The following STIM2 variants were observed in gnomAD, a reference collection of about 807,000 sequenced individuals.
STIM2 encodes the protein stromal interaction molecule 2.
In STIM2, 31 loss-of-function variants were observed where a neutral mutation model predicts 85.8. The ratio of observed to expected loss-of-function variants is 0.36; its 90% CI spans 0.27 to 0.49. The LOEUF is 0.49. Among genes scored for constraint, STIM2 ranks in the 20% least tolerant of loss-of-function variants. The pLI is 0.98. For synonymous variants in STIM2, 356 were observed against 331.1 expected (o/e 1.08, Z -0.82); for missense variants, 841 against 927.6 (o/e 0.91, Z 1.21).
At chr4:26,899,101 A>G (rs1308063121) in intron 1 of STIM2, among the ~76,000 whole-genome samples, 1 of 152,104 alleles carries the variant, frequency 6.6e-6, no homozygotes, top group Non-Finnish European at 1.5e-5. Flanking sequence ...TTATTTATCA[A>G]GATTAAGGTA....
At position 26,860,982 on chromosome 4, in the gene STIM2, C is replaced by A; in HGVS notation, c.-237C>A. The A allele has an allele frequency of 7.8e-7, 1 of 1,285,014 alleles. No individual in the cohort carries two copies. The allele number at this position is 1,285,014 out of a possible 1,614,324, so 79.6% of individuals were successfully genotyped here. ...AATGAACGCAGCCGGGATCAGAGCT[C>A]CGGAGGCCGCCGGTGCCGATGGGAC... On this transcript the variant is annotated 5_prime_UTR_variant, in exon 1 of 12. Transcript: ENST00000467087.
chr4:26,968,518 GGAGGA>G (rs929114476), intron 3 of STIM2, among the ~76,000 whole-genome samples: 3 of 152,150 alleles, frequency 2.0e-5, no homozygotes, highest in Non-Finnish European at 4.4e-5. Flanking sequence ...GGGTCTGTGG[GGAGGA>G]GAGAACAGGG....
At chr4:26,907,683 T>G (rs1176321935) in intron 1 of STIM2, among the ~76,000 whole-genome samples, 1 of 152,206 alleles carries the variant, frequency 6.6e-6, no homozygotes, top group Non-Finnish European at 1.5e-5. Flanking sequence ...AAGGGTTTTG[T>G]AAGACTTCCT....
At chr4:26,930,771 A>T (rs187758678) in intron 2 of STIM2, among the ~76,000 whole-genome samples, 1 of 152,310 alleles carries the variant, frequency 6.6e-6, no homozygotes, top group Admixed American at 6.5e-5. Context: ...TATTGTGTCC[A>T]AAAGATTAAA....
At chr4:26,951,265 T>C (rs1726037968) in intron 2 of STIM2, among the ~76,000 whole-genome samples, 1 of 152,208 alleles carries the variant, frequency 6.6e-6, no homozygotes, top group Non-Finnish European at 1.5e-5. Flanking sequence ...TTTAACATTT[T>C]AATTGATATT....
At chr4:26,979,983 C>T (rs1158249533) in intron 3 of STIM2, among the ~76,000 whole-genome samples, 1 of 152,088 alleles carries the variant, frequency 6.6e-6, no homozygotes, top group Admixed American at 6.6e-5. Flanking sequence ...AGACTGTTCT[C>T]GAACTACTGG....
Position 26,942,548 on chromosome 4 carries a change from C to A in STIM2, c.283-15064C>A, listed in dbSNP as rs188851483. On this transcript the variant is annotated intron_variant, in intron 2 of 11. Coordinates refer to ENST00000467087, the MANE Select transcript of STIM2 (RefSeq NM_020860.4). Reference sequence around the variant, plus strand: ...CACTTAGGCTTTTGACTTCATTACACCACCAAAATTATTCTTATTGTGCTT... The same window carrying A: ...CACTTAGGCTTTTGACTTCATTACAACACCAAAATTATTCTTATTGTGCTT... 4.9e-3 allele frequency among the ~76,000 whole-genome samples: 753 copies of A among 152,200 alleles called. 8 individuals carry two copies. Among genetic ancestry groups the A allele is most frequent in the African/African-American group, 0.018 (731 of 41,536 alleles).
intron 2 of STIM2, among the ~76,000 whole-genome samples, chr4:26,940,262 A>G (rs1487528774): frequency 6.6e-6 from 1 of 152,012 alleles, no homozygotes; most frequent in Non-Finnish European, 1.5e-5. Context: ...ATAAGTGTGT[A>G]TGTTTTCGGT....
chr4:26,876,201 C>T (rs560232324), intron 1 of STIM2, among the ~76,000 whole-genome samples: 21 of 152,156 alleles, frequency 1.4e-4, no homozygotes, highest in Non-Finnish European at 2.8e-4. Context: ...TTAATTTCTC[C>T]GCTACTATGG....
chr4:26,888,773 T>G (rs1723353370), intron 1 of STIM2, among the ~76,000 whole-genome samples: 1 of 152,238 alleles, frequency 6.6e-6, no homozygotes, highest in African/African-American at 2.4e-5. Context: ...ACAAGATCTC[T>G]TGTATTCCGG....
At chr4:26,987,848 T>C (rs2109119107) in intron 3 of STIM2, among the ~76,000 whole-genome samples, 1 of 152,376 alleles carries the variant, frequency 6.6e-6, no homozygotes, top group East Asian at 1.9e-4. Flanking sequence ...ACTATATGTC[T>C]GAAAGGTTTG....
chr4:27,008,380 C>G (rs774333850), intron 8 of STIM2, 48 bp from the exon 9 acceptor site: 21 of 1,147,950 alleles, frequency 1.8e-5, no homozygotes, highest in Non-Finnish European at 2.6e-5. Flanking sequence ...ACAAAAATGT[C>G]TGTATTTTTT....
chr4:26,974,920 G>A (rs1283428110), intron 3 of STIM2, among the ~76,000 whole-genome samples: 2 of 152,058 alleles, frequency 1.3e-5, no homozygotes, highest in African/African-American at 4.8e-5. Flanking sequence ...ATATTTCTTG[G>A]AGGCTTTGTT....
chr4:26,932,094 A>G (rs935798844), intron 2 of STIM2, among the ~76,000 whole-genome samples: 1 of 152,062 alleles, frequency 6.6e-6, no homozygotes, highest in Non-Finnish European at 1.5e-5. Flanking sequence ...CTAAGAATCT[A>G]CTCTTATTAT....
chr4:27,021,147 C>T (rs755363874), intron 11 of STIM2: 439 of 1,331,266 alleles, frequency 3.3e-4, no homozygotes, highest in Non-Finnish European at 4.4e-4. Flanking sequence ...ATTCATTCAT[C>T]CAACACATTT....
rs565838350 is a variant in STIM2 at position 26,966,932 on chromosome 4, C to T, written c.397+9206C>T. ...GATAAGAACCTCTTCAATAAAAGGT[C>T]CTCAGTAAGCATTCTTCTAACCCTT... On this transcript the variant is annotated intron_variant, in intron 3 of 11. Transcript: ENST00000467087. 1.6e-4 allele frequency among the ~76,000 whole-genome samples: 24 copies of T among 152,242 alleles called. 1 individual carries two copies. In the South Asian group the frequency reaches 4.8e-3, roughly 30 times the overall value.
chr4:26,995,524 C>G (rs758763978), intron 4 of STIM2, 34 bp downstream of exon 4: 1 of 1,402,820 alleles, frequency 7.1e-7, no homozygotes, highest in Non-Finnish European at 9.9e-7. Context: ...ATTTTCCACT[C>G]AGGGAGAATT....
chr4:26,865,975 G>A (rs1722394370), intron 1 of STIM2, among the ~76,000 whole-genome samples: 1 of 126,830 alleles, frequency 7.9e-6, no homozygotes, highest in African/African-American at 3.1e-5. Flanking sequence ...GACTAATCCT[G>A]TTAGATAGCT....
intron 7 of STIM2, among the ~76,000 whole-genome samples, chr4:27,005,377 T>G (rs886885232): frequency 2.6e-5 from 4 of 152,178 alleles, no homozygotes; most frequent in African/African-American, 9.6e-5. Context: ...CGTGAGACAA[T>G]AAGCCTTAGG....
Sources: gnomAD v4.1 joint callset for allele counts (sites outside exome capture counted in the v4.1 genomes callset) on GRCh38, gnomAD v4.1.1 for gene constraint, MANE v1.5 for transcripts, NCBI Gene and HGNC (gene_info 2026-07-23, HGNC 2026-07-21) for gene names.